The following DCAF1 variants were observed in gnomAD, a reference collection of about 807,000 sequenced individuals.
DCAF1 encodes DDB1- and CUL4-associated factor 1.
DCAF1 carries 15 observed loss-of-function variants against 128.0 expected under a neutral mutation model. The ratio of observed to expected loss-of-function variants is 0.12; its 90% CI spans 0.08 to 0.18. DCAF1 has a LOEUF of 0.18. DCAF1 is among the 10% of genes least tolerant of loss of function. The probability of loss-of-function intolerance (pLI) is 1.00; values close to 1 mark genes in which losing one functional copy is unlikely to be tolerated. For synonymous variants in DCAF1, 610 were observed against 603.0 expected (o/e 1.01, Z -0.17); for missense variants, 988 against 1,649.5 (o/e 0.60, Z 6.95).
chr3:51,471,574 TCTTC>T (rs1285935029), intron 3 of DCAF1, among the ~76,000 whole-genome samples: 1 of 152,066 alleles, frequency 6.6e-6, no homozygotes, highest in African/African-American at 2.4e-5. Context: ...ATCTTTAAAA[TCTTC>T]CTTTTCTTGC....
intron 5 of DCAF1, among the ~76,000 whole-genome samples, chr3:51,465,790 C>G (rs1392185119): frequency 6.6e-6 from 1 of 152,142 alleles, no homozygotes; most frequent in African/African-American, 2.4e-5. Flanking sequence ...CTAGCTAATA[C>G]CTACTGGGCC....
At chr3:51,446,995 AT>A (rs1553640398) in intron 6 of DCAF1, among the ~76,000 whole-genome samples, 7 of 148,204 alleles carry the variant, frequency 4.7e-5, no homozygotes, top group Non-Finnish European at 7.4e-5. Flanking sequence ...AATAATAATA[AT>A]AATAAAATGT....
At chr3:51,421,376 C>T (rs918282397) in intron 14 of DCAF1, among the ~76,000 whole-genome samples, 7 of 152,140 alleles carry the variant, frequency 4.6e-5, no homozygotes, top group Non-Finnish European at 1.0e-4. Context: ...CCTGCCTCAT[C>T]CCTGCAAAGA....
chr3:51,491,043 A>G (rs782680052), intron 2 of DCAF1, among the ~76,000 whole-genome samples: 2,304 of 147,670 alleles, frequency 0.016, 23 homozygotes, highest in Non-Finnish European at 0.025. Context: ...AATCTTGGAA[A>G]AAAAAAAAAA....
chr3:51,448,565 T>C (rs1242926458), intron 6 of DCAF1, among the ~76,000 whole-genome samples: 1 of 152,246 alleles, frequency 6.6e-6, no homozygotes, highest in Admixed American at 6.5e-5. Context: ...TTTTTGTTTT[T>C]TCATAAAGTC....
chr3:51,437,533 G>T (rs551224250), intron 9 of DCAF1: 16 of 347,454 alleles, frequency 4.6e-5, no homozygotes, highest in Non-Finnish European at 8.1e-5. Context: ...GTATAACAGG[G>T]GGCTGGGCAC....
chr3:51,429,952 C>T (rs1553635126), intron 11 of DCAF1, 81 bp downstream of exon 11: 1 of 717,626 alleles, frequency 1.4e-6, no homozygotes, highest in Non-Finnish European at 2.6e-6. Context: ...AGCTTCCTTT[C>T]TTCAAGGGTG....
Position 51,470,917 on chromosome 3 carries a change from C to A in DCAF1, c.187+12G>T. 1 of 1,572,978 alleles carries A rather than the reference C, an allele frequency of 6.4e-7. No homozygotes were observed. The highest frequency in any genetic ancestry group is 1.7e-5 in the Admixed American group (1 of 57,872). On this transcript the variant is annotated intron_variant, in intron 4 of 24. Coordinates refer to ENST00000684031, the MANE Select transcript of DCAF1 (RefSeq NM_001387579.1). ...AAAAAAAAAGACCCACACTTAAGAG[C>A]ACAAATCTTACCAGGATGTCGATCA...
chr3:51,460,274 CAAG>C (rs1703397465), intron 6 of DCAF1, among the ~76,000 whole-genome samples: 1 of 151,914 alleles, frequency 6.6e-6, no homozygotes, highest in Non-Finnish European at 1.5e-5. Context: ...CACAGACAAA[CAAG>C]AGAGCCAAAT....
chr3:51,413,604 T>A (rs188927836), intron 20 of DCAF1, among the ~76,000 whole-genome samples: 66 of 152,320 alleles, frequency 4.3e-4, no homozygotes, highest in Non-Finnish European at 1.2e-4. Context: ...CCTCAGCCTC[T>A]CATCTACCTC....
intron 18 of DCAF1, among the ~76,000 whole-genome samples, chr3:51,415,562 C>T (rs1258319227): frequency 6.6e-6 from 1 of 152,144 alleles, no homozygotes; most frequent in Non-Finnish European, 1.5e-5. Flanking sequence ...TCCCAACCCA[C>T]ACCTCTCTCT....
intron 4 of DCAF1, 28 bp from the exon 5 acceptor site, chr3:51,466,904 C>G: frequency 6.2e-7 from 1 of 1,609,244 alleles, no homozygotes; most frequent in Non-Finnish European, 8.5e-7. Context: ...GAGGAACAAA[C>G]AAAGGAATGA....
chr3:51,471,121 AT>A (rs1270697074), intron 3 of DCAF1, 116 bp from the exon 4 acceptor site: 13 of 539,574 alleles, frequency 2.4e-5, no homozygotes, highest in Non-Finnish European at 6.6e-6. Context: ...GAAAAAGACT[AT>A]TTCTTCTGAT....
chr3:51,407,416 C>A (rs1421736210), intron 23 of DCAF1, among the ~76,000 whole-genome samples: 1 of 152,106 alleles, frequency 6.6e-6, no homozygotes, highest in African/African-American at 2.4e-5. Context: ...TCAGCTCTGA[C>A]CAGGTGTGTG....
the DCAF1 span, among the ~76,000 whole-genome samples, chr3:51,505,388 C>T: frequency 1.3e-5 from 2 of 152,132 alleles, no homozygotes; most frequent in African/African-American, 2.4e-5. Context: ...CCACACCAAC[C>T]GAAGTAAATA....
chr3:51,433,934 T>C (rs1262570443), intron 9 of DCAF1, among the ~76,000 whole-genome samples: 1 of 149,880 alleles, frequency 6.7e-6, no homozygotes, highest in African/African-American at 2.5e-5. Flanking sequence ...TACAAAAAAT[T>C]TGCCAGACGT....
chr3:51,448,535 T>G (rs1702078958), intron 6 of DCAF1, among the ~76,000 whole-genome samples: 1 of 152,234 alleles, frequency 6.6e-6, no homozygotes, highest in Non-Finnish European at 1.5e-5. Flanking sequence ...TCACTAAGTT[T>G]TTAAATTCCG....
chr3:51,395,948 A>C (rs148536321), downstream of DCAF1: 71 of 413,482 alleles, frequency 1.7e-4, no homozygotes, highest in African/African-American at 1.3e-3. Context: ...TACCTAAGCA[A>C]GTCAGTTGGG....
chr3:51,432,665 G>A (rs1368338714), intron 10 of DCAF1, among the ~76,000 whole-genome samples: 3 of 152,032 alleles, frequency 2.0e-5, no homozygotes, highest in Admixed American at 6.6e-5. Context: ...CACCATGTTG[G>A]CCAGGCTGAT....
Sources: gnomAD v4.1 joint callset for allele counts (sites outside exome capture counted in the v4.1 genomes callset) on GRCh38, gnomAD v4.1.1 for gene constraint, MANE v1.5 for transcripts, NCBI Gene and HGNC (gene_info 2026-07-23, HGNC 2026-07-21) for gene names.